Variants in CTNNA2 observed in about 807,000 individuals in gnomAD.
CTNNA2 encodes catenin alpha-2.
A neutral mutation model predicts 101.0 loss-of-function variants in CTNNA2; 42 were observed. The observed-to-expected ratio is 0.42, with a 90% CI of 0.32 to 0.54. The LOEUF (loss-of-function observed/expected upper bound fraction) is 0.54. CTNNA2 is among the 20% of genes least tolerant of loss of function. CTNNA2 has a pLI of 0.14. For missense variants in CTNNA2, 871 were observed against 1,223.1 expected, an observed-to-expected ratio of 0.71 and a Z score of 4.29; for synonymous variants, 450 against 456.4, an observed-to-expected ratio of 0.99 and a Z score of 0.18.
intron 4 of CTNNA2, among the ~76,000 whole-genome samples, chr2:79,418,738 T>C (rs1020702003): frequency 1.3e-5 from 2 of 152,122 alleles, no homozygotes; most frequent in African/African-American, 4.8e-5. Flanking sequence ...TCATCAGTTA[T>C]AAATAGTTTC....
At chr2:80,626,763 G>A (rs181014332) in intron 18 of CTNNA2, among the ~76,000 whole-genome samples, 4 of 152,008 alleles carry the variant, frequency 2.6e-5, no homozygotes, top group East Asian at 3.9e-4. Flanking sequence ...TGTGCAGAAC[G>A]TACAGGTTTG....
At chr2:79,710,771 A>G (rs1250347406) in intron 2 of CTNNA2, among the ~76,000 whole-genome samples, 1 of 152,002 alleles carries the variant, frequency 6.6e-6, no homozygotes, top group East Asian at 1.9e-4. Context: ...GCTGTCTGTG[A>G]ATGTACATAT....
At chr2:80,494,093 A>G (rs1025676291) in intron 9 of CTNNA2, among the ~76,000 whole-genome samples, 22 of 152,208 alleles carry the variant, frequency 1.4e-4, no homozygotes, top group Non-Finnish European at 3.2e-4. Flanking sequence ...TGATAGGACT[A>G]GAACAGGAGG....
chr2:79,880,857 C>A (rs569060598), intron 6 of CTNNA2, among the ~76,000 whole-genome samples: 3 of 152,090 alleles, frequency 2.0e-5, no homozygotes, highest in Admixed American at 2.0e-4. Context: ...TTATATTCTG[C>A]TAGCTATTGG....
intron 18 of CTNNA2, among the ~76,000 whole-genome samples, chr2:80,619,692 G>A (rs1670911184): frequency 6.6e-6 from 1 of 151,830 alleles, no homozygotes; most frequent in South Asian, 2.1e-4. Flanking sequence ...TGATACATGA[G>A]GATTATCAAC....
chr2:80,428,405 G>A (rs1298350104), intron 9 of CTNNA2, among the ~76,000 whole-genome samples: 1 of 152,212 alleles, frequency 6.6e-6, no homozygotes, highest in Non-Finnish European at 1.5e-5. Context: ...AGTCCAGCAA[G>A]TGATTAGTAC....
intron 7 of CTNNA2, among the ~76,000 whole-genome samples, chr2:80,175,125 C>T (rs961249876): frequency 1.3e-5 from 2 of 152,180 alleles, no homozygotes; most frequent in Non-Finnish European, 2.9e-5. Flanking sequence ...ATCAGCTACA[C>T]TGGCTTTTTT....
At chr2:80,541,660 T>TAAGTGGGAAGC (rs1344975508) in intron 9 of CTNNA2, among the ~76,000 whole-genome samples, 2 of 151,990 alleles carry the variant, frequency 1.3e-5, no homozygotes, top group East Asian at 3.9e-4. Context: ...GCAGTCAGCA[T>TAAGTGGGAAGC]AAGTGGGAAG....
chr2:79,777,405 T>A (rs1674061735), intron 3 of CTNNA2, among the ~76,000 whole-genome samples: 1 of 150,744 alleles, frequency 6.6e-6, no homozygotes. Context: ...TTTGCATTCC[T>A]TACCACATTA....
rs72922641 is a variant in CTNNA2 at position 79,992,623 on chromosome 2, G to A, written c.1056+82826G>A. Among the ~76,000 whole-genome samples the A allele has an allele frequency of 7.3e-3, 1,106 of 152,228 alleles. 9 individuals are homozygous for A. The highest frequency in any genetic ancestry group is 0.025 in the African/African-American group (1,031 of 41,538). ...GCTGCTATGCTAAGAGCGTTTATAT[G>A]GGAGTTGTATTTTCCTTGTGAAGGT... On this transcript the variant is annotated intron_variant, in intron 7 of 18. Transcript: ENST00000402739.
Position 79,514,854 on chromosome 2 carries a change from T to G in CTNNA2, c.-6+1647T>G, listed in dbSNP as rs529673690. Among the ~76,000 whole-genome samples, 5 of 152,374 alleles carry G rather than the reference T, an allele frequency of 3.3e-5. No homozygotes were observed. The East Asian group carries it at 9.6e-4, about 29-fold the overall frequency. On this transcript the variant is annotated intron_variant, in intron 1 of 18. Transcript: ENST00000402739. ...AAATTAATGGTGGATTCTTTGAAGT[T>G]GCCAGTAAGACACTATGCTGTGGAA...
chr2:80,052,592 G>A (rs1696945099), intron 7 of CTNNA2, among the ~76,000 whole-genome samples: 1 of 152,196 alleles, frequency 6.6e-6, no homozygotes, highest in Non-Finnish European at 1.5e-5. Context: ...TAGTGTGTTG[G>A]TGAAGCTCTT....
intron 7 of CTNNA2, among the ~76,000 whole-genome samples, chr2:80,347,577 A>G (rs1672859068): frequency 6.6e-6 from 1 of 152,154 alleles, no homozygotes; most frequent in Non-Finnish European, 1.5e-5. Context: ...TGGGAGGGGT[A>G]ATAGTAAGAG....
intron 7 of CTNNA2, among the ~76,000 whole-genome samples, chr2:80,287,696 C>T (rs1052718846): frequency 9.9e-5 from 15 of 152,150 alleles, no homozygotes; most frequent in African/African-American, 3.6e-4. Context: ...TGCTCTGCAT[C>T]ACACAGCTGT....
rs3040572 is a variant in CTNNA2 at position 80,378,444 on chromosome 2, T to TACACAC, written c.1057-14745_1057-14740dup. 5.0e-3 allele frequency among the ~76,000 whole-genome samples: 744 copies of TACACAC among 147,896 alleles called. 7 individuals are homozygous for TACACAC. Among genetic ancestry groups the TACACAC allele is most frequent in the African/African-American group, 0.017 (687 of 40,368 alleles). On this transcript the variant is annotated intron_variant, in intron 7 of 18. Coordinates refer to ENST00000402739, the MANE Select transcript of CTNNA2 (RefSeq NM_001282597.3). ...CATAATGTCACATGAACTTGCAGTATACACACACACACACACACACACACA... is the reference window on the plus strand; with the variant it reads ...CATAATGTCACATGAACTTGCAGTATACACACACACACACACACACACACACACACA...
intron 2 of CTNNA2, among the ~76,000 whole-genome samples, chr2:79,287,973 G>A (rs943526862): frequency 2.9e-4 from 44 of 152,318 alleles, no homozygotes; most frequent in African/African-American, 9.4e-4. Flanking sequence ...TAAGCCGGTC[G>A]GAAAAGCGCA....
At chr2:79,894,716 A>G (rs1684576514) in intron 6 of CTNNA2, among the ~76,000 whole-genome samples, 1 of 152,068 alleles carries the variant, frequency 6.6e-6, no homozygotes, top group South Asian at 2.1e-4. Flanking sequence ...CCCAATTTCT[A>G]TGCCACTATT....
intron 7 of CTNNA2, among the ~76,000 whole-genome samples, chr2:80,008,633 G>C (rs1693549996): frequency 6.6e-6 from 1 of 152,172 alleles, no homozygotes; most frequent in African/African-American, 2.4e-5. Flanking sequence ...TAGGTAGAGG[G>C]TCTACAGTCA....
chr2:79,379,068 C>T (rs777883228), intron 4 of CTNNA2, among the ~76,000 whole-genome samples: 13 of 152,006 alleles, frequency 8.6e-5, no homozygotes, highest in South Asian at 2.1e-4. Flanking sequence ...TTACTGAAAT[C>T]ATATGCATTA....
Sources: allele counts gnomAD v4.1 joint callset (sites outside exome capture counted in the v4.1 genomes callset), GRCh38; gene constraint gnomAD v4.1.1; transcripts MANE v1.5; gene names NCBI Gene and HGNC (gene_info 2026-07-23, HGNC 2026-07-21).